Variants in VAV3 observed in about 807,000 individuals in gnomAD.
VAV3 encodes the protein guanine nucleotide exchange factor VAV3.
Under a neutral mutation model 131.2 loss-of-function variants are expected in VAV3, and 94 were observed. The observed-to-expected ratio is 0.72, with a 90% CI of 0.61 to 0.85. The LOEUF (loss-of-function observed/expected upper bound fraction) is 0.85, where lower values mean the gene tolerates loss of function less well. VAV3 is among the 40% of genes least tolerant of loss of function. VAV3 has a pLI of 0.00. For missense variants in VAV3, 939 were observed against 1,002.7 expected (o/e 0.94, Z 0.86); for synonymous variants, 349 against 342.0 (o/e 1.02, Z -0.22).
At chr1:107,954,700 A>G (rs936018284) in intron 1 of VAV3, among the ~76,000 whole-genome samples, 3 of 151,258 alleles carry the variant, frequency 2.0e-5, no homozygotes, top group Non-Finnish European at 4.4e-5. Context: ...GGTGCTATTA[A>G]CAACAGCCAT....
chr1:107,770,819 T>A, intron 5 of VAV3, 91 bp from the exon 6 acceptor site: 1 of 1,034,678 alleles, frequency 9.7e-7, no homozygotes. Flanking sequence ...CTGACTTTCT[T>A]AAACTTTCCT....
intron 25 of VAV3, among the ~76,000 whole-genome samples, chr1:107,588,580 A>G (rs554785860): frequency 1.3e-5 from 2 of 152,306 alleles, no homozygotes; most frequent in East Asian, 1.9e-4. Flanking sequence ...GCCTCCTAAC[A>G]TGAGCATTAA....
intron 1 of VAV3, among the ~76,000 whole-genome samples, chr1:107,935,587 C>A (rs1304770748): frequency 6.6e-6 from 1 of 152,198 alleles, no homozygotes; most frequent in Non-Finnish European, 1.5e-5. Flanking sequence ...ATTTCATTCA[C>A]TCACTTACTC....
chr1:107,864,853 A>C (rs1193145506), intron 2 of VAV3, among the ~76,000 whole-genome samples: 1 of 152,162 alleles, frequency 6.6e-6, no homozygotes, highest in African/African-American at 2.4e-5. Flanking sequence ...ATGGACAGTG[A>C]CAGTGCCTTG....
intron 20 of VAV3, among the ~76,000 whole-genome samples, chr1:107,641,868 C>T (rs1655367407): frequency 6.6e-6 from 1 of 152,148 alleles, no homozygotes; most frequent in African/African-American, 2.4e-5. Flanking sequence ...GACCCCACAG[C>T]ACTGATAGTA....
At chr1:107,740,223 G>A (rs1373378077) in intron 15 of VAV3, among the ~76,000 whole-genome samples, 2 of 151,664 alleles carry the variant, frequency 1.3e-5, no homozygotes, top group Non-Finnish European at 2.9e-5. Flanking sequence ...GGAGGTGGAG[G>A]TTGCACTGAG....
chr1:107,894,544 CA>C (rs1442806118), intron 1 of VAV3, among the ~76,000 whole-genome samples: 2 of 151,996 alleles, frequency 1.3e-5, no homozygotes, highest in Non-Finnish European at 2.9e-5. Context: ...TTTAGAAAAA[CA>C]AAATGATTCC....
intron 13 of VAV3, among the ~76,000 whole-genome samples, 160 bp from the exon 14 acceptor site, chr1:107,749,754 G>A (rs1359262429): frequency 6.6e-6 from 1 of 152,154 alleles, no homozygotes; most frequent in African/African-American, 2.4e-5. Context: ...TATAAGAACT[G>A]TGTGTGGAAT....
intron 17 of VAV3, among the ~76,000 whole-genome samples, chr1:107,697,251 C>T (rs1659802640): frequency 6.6e-6 from 1 of 151,954 alleles, no homozygotes; most frequent in Non-Finnish European, 1.5e-5. Context: ...CCAGCAAACC[C>T]CGATCTGAGA....
chr1:107,907,244 G>C (rs7513564), intron 1 of VAV3, among the ~76,000 whole-genome samples: 45,079 of 152,036 alleles, frequency 0.3, 7,013 homozygotes, highest in African/African-American at 0.41. Flanking sequence ...AAAAGATGCA[G>C]AGCAAATCAC....
chr1:107,843,614 C>G (rs146464618), intron 2 of VAV3, among the ~76,000 whole-genome samples: 2 of 151,190 alleles, frequency 1.3e-5, no homozygotes, highest in Non-Finnish European at 2.9e-5. Flanking sequence ...TATGAGCAGG[C>G]GTATTTAAAC....
At chr1:107,900,145 T>C (rs1671784189) in intron 1 of VAV3, among the ~76,000 whole-genome samples, 1 of 152,188 alleles carries the variant, frequency 6.6e-6, no homozygotes. Flanking sequence ...TTTTCCATAA[T>C]TTGAAACAGT....
At chr1:107,756,540 T>C (rs769107225) in intron 11 of VAV3, among the ~76,000 whole-genome samples, 35 of 152,184 alleles carry the variant, frequency 2.3e-4, no homozygotes, top group Admixed American at 4.6e-4. Flanking sequence ...TAAGTAATTA[T>C]GCACTGCTCT....
chr1:107,598,019 C>G lies in VAV3; in HGVS notation c.2221-1678G>C, dbSNP rs539609043. 5.9e-5 allele frequency among the ~76,000 whole-genome samples: 9 copies of G among 152,276 alleles called. No individual in the cohort carries two copies. In the South Asian group the frequency reaches 1.9e-3, roughly 32 times the overall value. ...CTTTATCCAAAGTTTGTGCTCTTAACTGTATCATACTATTAGCAAATAGTG... is the reference window on the plus strand; with the variant it reads ...CTTTATCCAAAGTTTGTGCTCTTAAGTGTATCATACTATTAGCAAATAGTG... On this transcript the variant is annotated intron_variant, in intron 24 of 26. Coordinates refer to ENST00000370056, the MANE Select transcript of VAV3 (RefSeq NM_006113.5).
In VAV3 at chr1:107,777,312, A is replaced by G. The variant is rs17235997; in HGVS notation, c.381-16T>C. ...TGGGAAGGGCCTAGGAAGAGGAGAA[A>G]AAACAAAAACAAAAAAACAAACCCA... is the stretch of plus-strand genomic sequence containing the variant. On this transcript the variant is annotated splice_polypyrimidine_tract_variant and intron_variant, in intron 3 of 26. Coordinates refer to ENST00000370056, the MANE Select transcript of VAV3 (RefSeq NM_006113.5). The G allele has an allele frequency of 1.4e-3, 2,322 of 1,611,438 alleles. 3 individuals are homozygous for G. Among genetic ancestry groups the G allele is most frequent in the Non-Finnish European group, 1.9e-3 (2,217 of 1,178,548 alleles).
chr1:107,589,564 C>A (rs1216880288), intron 25 of VAV3, among the ~76,000 whole-genome samples: 1 of 152,210 alleles, frequency 6.6e-6, no homozygotes, highest in Non-Finnish European at 1.5e-5. Flanking sequence ...AGAGAGTAAA[C>A]TTCTGTTGTT....
chr1:107,950,237 C>T (rs1201778900), intron 1 of VAV3, among the ~76,000 whole-genome samples: 1 of 152,198 alleles, frequency 6.6e-6, no homozygotes, highest in Admixed American at 6.5e-5. Context: ...TACTTCAAGA[C>T]CCAAAACTCT....
At chr1:107,644,213 T>C (rs532866238) in intron 19 of VAV3, among the ~76,000 whole-genome samples, 155 of 152,136 alleles carry the variant, frequency 1.0e-3, no homozygotes, top group Non-Finnish European at 1.0e-3. Flanking sequence ...ACATATTCTA[T>C]TAAGTTGCTA....
At chr1:107,842,820 G>A (rs1037622788) in intron 2 of VAV3, among the ~76,000 whole-genome samples, 6 of 151,958 alleles carry the variant, frequency 3.9e-5, no homozygotes, top group African/African-American at 7.3e-5. Flanking sequence ...AATTTCTCCC[G>A]ATTTTTATAA....
Sources: gnomAD v4.1 joint callset for allele counts (sites outside exome capture counted in the v4.1 genomes callset) on GRCh38, gnomAD v4.1.1 for gene constraint, MANE v1.5 for transcripts, NCBI Gene and HGNC (gene_info 2026-07-23, HGNC 2026-07-21) for gene names.